NEK5: variants seen among roughly 807,000 people sequenced by gnomAD.
The protein encoded by NEK5 is serine/threonine-protein kinase Nek5.
A neutral mutation model predicts 109.2 loss-of-function variants in NEK5; 88 were observed. The ratio of observed to expected loss-of-function variants is 0.81; its 90% CI spans 0.68 to 0.96. The LOEUF (loss-of-function observed/expected upper bound fraction) is 0.96. NEK5 is among the 40% of genes least tolerant of loss of function. The probability of loss-of-function intolerance (pLI) is 0.00; values close to 1 mark genes in which losing one functional copy is unlikely to be tolerated. For missense variants in NEK5, 834 were observed against 920.7 expected (o/e 0.91, Z 1.22); for synonymous variants, 283 against 299.9 (o/e 0.94, Z 0.58).
Position 52,086,122 on chromosome 13 carries a change from G to A in NEK5, c.1479+155C>T, listed in dbSNP as rs570053036. Among the ~76,000 whole-genome samples the A allele has an allele frequency of 7.9e-5, 12 of 152,272 alleles. No homozygotes were observed. The South Asian group carries it at 1.7e-3, about 21-fold the overall frequency. ...CATAATAAACTGAAGCTCCAATGAG[G>A]TCTGACAGCTTTCCTATTAAAAAAG... is the stretch of plus-strand genomic sequence containing the variant. On this transcript the variant is annotated intron_variant, in intron 16 of 23. Transcript: ENST00000684899.
chr13:52,123,045 A>G (rs111611842), intron 3 of NEK5, among the ~76,000 whole-genome samples: 13,877 of 152,270 alleles, frequency 0.091, 662 homozygotes, highest in Non-Finnish European at 0.12. Flanking sequence ...TGGTAGGATG[A>G]TAAGAGAAAT....
chr13:52,058,329 T>C (rs1241774037), intron 22 of NEK5, among the ~76,000 whole-genome samples: 11 of 146,916 alleles, frequency 7.5e-5, no homozygotes, highest in East Asian at 5.9e-4. Flanking sequence ...AAGAACATTC[T>C]ATGCTCATGG....
chr13:52,052,621 G>A (rs145833076), intron 22 of NEK5, among the ~76,000 whole-genome samples: 1 of 151,998 alleles, frequency 6.6e-6, no homozygotes, highest in Non-Finnish European at 1.5e-5. Context: ...CTGCCTTCGA[G>A]TTTTGCCTGC....
chr13:52,111,185 TAC>T (rs1955752096), intron 5 of NEK5, among the ~76,000 whole-genome samples: 1 of 152,232 alleles, frequency 6.6e-6, no homozygotes, highest in Non-Finnish European at 1.5e-5. Context: ...GTTCTATGCC[TAC>T]AGAGATTTAT....
chr13:52,110,309 T>C (rs1955732635), intron 7 of NEK5, 31 bp downstream of exon 7: 2 of 1,450,976 alleles, frequency 1.4e-6, no homozygotes, highest in Admixed American at 1.7e-5. Flanking sequence ...CTATTTTGAC[T>C]AGAAAGAAAA....
chr13:52,110,022 A>G (rs1020510046), intron 7 of NEK5, among the ~76,000 whole-genome samples: 2 of 152,220 alleles, frequency 1.3e-5, no homozygotes, highest in Non-Finnish European at 2.9e-5. Context: ...AATATTTTAT[A>G]GAGTTTGACT....
intron 23 of NEK5, among the ~76,000 whole-genome samples, chr13:52,040,452 TG>T (rs777954950): frequency 8.5e-5 from 13 of 152,294 alleles, no homozygotes; most frequent in Non-Finnish European, 1.6e-4. Context: ...CTGATATTTT[TG>T]TTAACTCATC....
At chr13:52,108,060 T>G (rs994462571) in intron 8 of NEK5, among the ~76,000 whole-genome samples, 2 of 152,160 alleles carry the variant, frequency 1.3e-5, no homozygotes, top group African/African-American at 4.8e-5. Flanking sequence ...GGTGATAATT[T>G]CCAGGCCTTC....
intron 21 of NEK5, 100 bp downstream of exon 21, chr13:52,065,384 G>A (rs1954669794): frequency 1.3e-6 from 2 of 1,481,554 alleles, no homozygotes; most frequent in Non-Finnish European, 1.9e-6. Flanking sequence ...AGATCTATAG[G>A]GTGTATAGTG....
chr13:52,074,702 G>A (rs1186267996), intron 19 of NEK5, among the ~76,000 whole-genome samples: 1 of 152,026 alleles, frequency 6.6e-6, no homozygotes, highest in Non-Finnish European at 1.5e-5. Flanking sequence ...ACAACCTACA[G>A]AATAGAAGAA....
intron 21 of NEK5, among the ~76,000 whole-genome samples, chr13:52,063,685 GC>G (rs1243701675): frequency 6.9e-6 from 1 of 144,796 alleles, no homozygotes; most frequent in Non-Finnish European, 1.5e-5. Context: ...CTGCCCTGCC[GC>G]CCCGTCTGGG....
intron 3 of NEK5, among the ~76,000 whole-genome samples, chr13:52,126,985 G>A (rs1216626663): frequency 6.6e-6 from 1 of 152,122 alleles, no homozygotes; most frequent in Non-Finnish European, 1.5e-5. Context: ...GGGCCTTGCA[G>A]GGCACCCTAA....
chr13:52,070,486 G>A (rs1194607306), intron 20 of NEK5, among the ~76,000 whole-genome samples: 1 of 152,194 alleles, frequency 6.6e-6, no homozygotes, highest in African/African-American at 2.4e-5. Flanking sequence ...TTCCCATGCT[G>A]TTCTCGTGAT....
At position 52,119,346 on chromosome 13, in the gene NEK5, T is replaced by C. The variant is rs1433623425; in HGVS notation, c.187A>G (p.Ile63Val). ...ILLEKMKHPN[I>V]VAFFNSFQEN... is the part of the protein sequence containing the mutation. Reference sequence around the variant, plus strand: ...TGAAATGAATTGAAGAAGGCTACAATGTTGGGATGTTTCATCTTTTCCAGA... The same window carrying C: ...TGAAATGAATTGAAGAAGGCTACAACGTTGGGATGTTTCATCTTTTCCAGA... The change falls in exon 4 of 24, where the codon ATT (isoleucine) becomes GTT (valine). Residue 63 changes from isoleucine to valine, a missense_variant. By Grantham distance (29) the Ile-to-Val change is conservative. This residue lies in a region of NEK5 where 777 missense variants were observed against 824.7 expected (regional missense o/e 0.94). Transcript: ENST00000684899. 1.9e-6 allele frequency: 3 copies of C among 1,599,630 alleles called. No homozygotes were observed. The highest frequency in any genetic ancestry group is 2.6e-6 in the Non-Finnish European group (3 of 1,169,282).
chr13:52,119,413 C>T lies in NEK5; in HGVS notation c.120G>A (p.Met40Ile), dbSNP rs768591441. The T allele has an allele frequency of 5.2e-6, 8 of 1,548,774 alleles. No homozygotes were observed. In the South Asian group the frequency reaches 8.0e-5, roughly 15 times the overall value. ...TTGAAGCTTCTTTTTCTTGTATGGG[C>T]ATCTAAATTACATTAAGAGACAGAG... ...CVIKEINFEK[M>I]PIQEKEASKK... Residue 40 changes from methionine (M) to isoleucine (I), a missense_variant and splice_region_variant, in exon 4 of 24, where the codon ATG (methionine) becomes ATA (isoleucine). Around this residue, in one of 2 missense-constraint regions of NEK5, gnomAD observed 777 missense variants for 824.7 expected, o/e 0.94. Coordinates refer to ENST00000684899, the MANE Select transcript of NEK5 (RefSeq NM_001365552.1).
At chr13:52,106,646 A>G (rs978830252) in intron 8 of NEK5, among the ~76,000 whole-genome samples, 1 of 152,062 alleles carries the variant, frequency 6.6e-6, no homozygotes, top group African/African-American at 2.4e-5. Flanking sequence ...GCGTGCTTGC[A>G]GTCCCAGGTA....
intron 11 of NEK5, among the ~76,000 whole-genome samples, chr13:52,101,324 C>T (rs554105488): frequency 2.1e-4 from 32 of 152,082 alleles, no homozygotes; most frequent in African/African-American, 7.7e-4. Flanking sequence ...GGCATGAACC[C>T]GGGAGGTGGA....
intron 17 of NEK5, 143 bp downstream of exon 17, chr13:52,083,117 A>G (rs530418016): frequency 4.6e-5 from 26 of 570,428 alleles, no homozygotes; most frequent in East Asian, 8.7e-5. Flanking sequence ...CTGCACTCCA[A>G]CCTGGCGACA....
At chr13:52,076,266 TTAAC>T in intron 17 of NEK5, 123 bp from the exon 18 acceptor site, 1 of 573,090 alleles carries the variant, frequency 1.7e-6, no homozygotes, top group Non-Finnish European at 3.0e-6. Context: ...TTAATAATAA[TTAAC>T]TAAAAACTTG....
Sources: gnomAD v4.1 joint callset for allele counts (sites outside exome capture counted in the v4.1 genomes callset) on GRCh38, gnomAD v4.1.1 for gene constraint, gnomAD v4.1.1 regional missense constraint, MANE v1.5 for transcripts, NCBI Gene and HGNC (gene_info 2026-07-23, HGNC 2026-07-21) for gene names.